Variants in HS2ST1 observed in about 807,000 individuals in gnomAD.
The protein encoded by HS2ST1 is heparan sulfate 2-O-sulfotransferase 1.
A neutral mutation model predicts 42.9 loss-of-function variants in HS2ST1; 18 were observed. The ratio of observed to expected loss-of-function variants is 0.42; its 90% confidence interval spans 0.29 to 0.62. The LOEUF is 0.62. Ranked by LOEUF, HS2ST1 falls within the 20% of genes least tolerant of loss-of-function variation. The pLI, the probability that HS2ST1 is intolerant of heterozygous loss-of-function variation, is 0.21. For missense variants in HS2ST1, 334 were observed against 433.8 expected (o/e 0.77, Z 2.04); for synonymous variants, 146 against 152.9 (o/e 0.95, Z 0.33).
chr1:86,999,255 C>T (rs554595845), intron 1 of HS2ST1, among the ~76,000 whole-genome samples: 3 of 151,986 alleles, frequency 2.0e-5, no homozygotes, highest in African/African-American at 4.8e-5. Flanking sequence ...CTCGGCTCAC[C>T]GCGGTCTCTG....
chr1:86,945,026 T>C (rs1326722183), intron 1 of HS2ST1, among the ~76,000 whole-genome samples: 2 of 152,150 alleles, frequency 1.3e-5, no homozygotes, highest in Non-Finnish European at 2.9e-5. Context: ...CTTATATCCC[T>C]CTAAATTTTC....
chr1:87,032,905 T>C (rs1028256764), intron 1 of HS2ST1, among the ~76,000 whole-genome samples: 5 of 152,194 alleles, frequency 3.3e-5, no homozygotes, highest in African/African-American at 4.8e-5. Context: ...AGTTAGACCA[T>C]GTGTGATTAC....
chr1:87,020,456 T>C (rs1409736967), intron 1 of HS2ST1, among the ~76,000 whole-genome samples: 2 of 152,250 alleles, frequency 1.3e-5, no homozygotes, highest in African/African-American at 4.8e-5. Flanking sequence ...AATGCTCTAC[T>C]GCACTTTTAT....
intron 3 of HS2ST1, among the ~76,000 whole-genome samples, chr1:87,089,532 T>A (rs1651890145): frequency 6.6e-6 from 1 of 152,016 alleles, no homozygotes; most frequent in Admixed American, 6.6e-5. Context: ...ATAAACTAGC[T>A]CCTATAGAAA....
At chr1:86,918,322 T>C (rs1427119450) in intron 1 of HS2ST1, among the ~76,000 whole-genome samples, 1 of 152,184 alleles carries the variant, frequency 6.6e-6, no homozygotes, top group Non-Finnish European at 1.5e-5. Context: ...CCTTGAATGT[T>C]ATACACATCT....
chr1:87,086,734 A>G (rs1002776588), intron 3 of HS2ST1, among the ~76,000 whole-genome samples: 1 of 152,086 alleles, frequency 6.6e-6, no homozygotes, highest in Non-Finnish European at 1.5e-5. Flanking sequence ...ATAATAACAA[A>G]AATATCTTTT....
At chr1:87,001,882 G>A (rs1649296994) in intron 1 of HS2ST1, among the ~76,000 whole-genome samples, 2 of 152,030 alleles carry the variant, frequency 1.3e-5, no homozygotes, top group South Asian at 4.1e-4. Context: ...CAAAGTGCTG[G>A]GATTACAGGT....
Position 87,035,049 on chromosome 1 carries a change from A to G in HS2ST1, c.125-37885A>G, listed in dbSNP as rs575875547. Reference sequence around the variant, plus strand: ...AGAGAGAGATTTTAAGATGCTGTGCAGCTGGAGGATGGAGGCTCAGTCCAT... The same window carrying G: ...AGAGAGAGATTTTAAGATGCTGTGCGGCTGGAGGATGGAGGCTCAGTCCAT... On this transcript the variant is annotated intron_variant, in intron 1 of 6. Coordinates refer to ENST00000370550, the MANE Select transcript of HS2ST1 (RefSeq NM_012262.4). 2.0e-5 allele frequency among the ~76,000 whole-genome samples: 3 copies of G among 152,304 alleles called. No homozygotes were observed. The East Asian group carries it at 5.8e-4, about 29-fold the overall frequency.
intron 1 of HS2ST1, among the ~76,000 whole-genome samples, chr1:87,032,606 T>A (rs1002289399): frequency 6.6e-6 from 1 of 152,178 alleles, no homozygotes; most frequent in African/African-American, 2.4e-5. Context: ...ATTCACAGAT[T>A]GTTCCAGATC....
intron 1 of HS2ST1, among the ~76,000 whole-genome samples, chr1:87,003,051 G>A (rs1363033678): frequency 6.6e-6 from 1 of 152,218 alleles, no homozygotes; most frequent in Non-Finnish European, 1.5e-5. Flanking sequence ...TGTGGCCCAC[G>A]CCCTGATGGC....
intron 1 of HS2ST1, among the ~76,000 whole-genome samples, chr1:86,975,381 G>C (rs113137784): frequency 6.6e-6 from 1 of 151,712 alleles, no homozygotes; most frequent in Non-Finnish European, 1.5e-5. Flanking sequence ...ATAAAAAAAG[G>C]CACCTTAATT....
chr1:87,046,446 A>C (rs182836310), intron 1 of HS2ST1: 74 of 953,558 alleles, frequency 7.8e-5, no homozygotes, highest in Non-Finnish European at 1.2e-4. Flanking sequence ...TCTAATAAAG[A>C]AGGTGACATT....
intron 2 of HS2ST1, among the ~76,000 whole-genome samples, chr1:87,081,660 T>C (rs1381091069): frequency 1.3e-5 from 2 of 151,502 alleles, no homozygotes; most frequent in Non-Finnish European, 2.9e-5. Flanking sequence ...AAATCCAAAA[T>C]GAATAGAAGA....
At chr1:86,916,816 T>G (rs1038124986) in intron 1 of HS2ST1, among the ~76,000 whole-genome samples, 4 of 152,218 alleles carry the variant, frequency 2.6e-5, no homozygotes, top group African/African-American at 9.6e-5. Flanking sequence ...TTTGTACTTA[T>G]TTTTTGTTTT....
intron 1 of HS2ST1, among the ~76,000 whole-genome samples, chr1:87,021,585 A>C (rs1220361931): frequency 1.3e-5 from 2 of 152,110 alleles, no homozygotes; most frequent in African/African-American, 4.8e-5. Flanking sequence ...CACAATCACT[A>C]CTCACTACAA....
intron 1 of HS2ST1, among the ~76,000 whole-genome samples, chr1:86,980,894 A>T (rs1256270229): frequency 2.6e-5 from 4 of 152,250 alleles, no homozygotes; most frequent in Admixed American, 6.5e-5. Context: ...TCTGGCTAAA[A>T]AGTGTGTAAT....
chr1:87,066,567 C>T (rs1233148955), intron 1 of HS2ST1, among the ~76,000 whole-genome samples: 3 of 151,996 alleles, frequency 2.0e-5, no homozygotes, highest in African/African-American at 7.2e-5. Flanking sequence ...AAATTTTTAT[C>T]TTAAAAAATT....
chr1:87,049,531 G>T (rs1650781373), intron 1 of HS2ST1, among the ~76,000 whole-genome samples: 1 of 151,746 alleles, frequency 6.6e-6, no homozygotes, highest in Non-Finnish European at 1.5e-5. Context: ...TGTCCTGTGG[G>T]TTACTTGAAG....
chr1:86,928,658 T>C (rs192880040), intron 1 of HS2ST1, among the ~76,000 whole-genome samples: 60 of 152,120 alleles, frequency 3.9e-4, no homozygotes, highest in Middle Eastern at 3.4e-3. Flanking sequence ...AACATGATTT[T>C]AATGTATTTT....
Sources: allele counts gnomAD v4.1 joint callset (sites outside exome capture counted in the v4.1 genomes callset), GRCh38; gene constraint gnomAD v4.1.1; transcripts MANE v1.5; gene names NCBI Gene and HGNC (gene_info 2026-07-23, HGNC 2026-07-21).